Variants in CSNK1E observed in about 807,000 individuals in gnomAD.
The protein encoded by CSNK1E is casein kinase 1 epsilon.
In CSNK1E, 17 loss-of-function variants were observed where a neutral mutation model predicts 46.1. The observed-to-expected ratio is 0.37, with a 90% CI of 0.25 to 0.55. The LOEUF is 0.55. Among genes scored for constraint, CSNK1E ranks in the 20% least tolerant of loss-of-function variants. The probability of loss-of-function intolerance (pLI) is 0.82; values close to 1 mark genes in which losing one functional copy is unlikely to be tolerated. For synonymous variants in CSNK1E, 241 were observed against 242.6 expected (o/e 0.99, Z 0.06); for missense variants, 386 against 595.4 (o/e 0.65, Z 3.66).
chr22:38,303,377 G>T lies in CSNK1E; in HGVS notation c.77-129C>A. On this transcript the variant is annotated intron_variant, in intron 2 of 10. Transcript: ENST00000396832. The surrounding 1 kb of genome is among the most constrained non-coding windows in gnomAD (Gnocchi z 4.7). ...GGCCATCTGCCCTTGAGGAGCTCTTGGGGGAGGCTGGGAAGGGGGCAAAGG... is the reference window on the plus strand; with the variant it reads ...GGCCATCTGCCCTTGAGGAGCTCTTTGGGGAGGCTGGGAAGGGGGCAAAGG... The T allele has an allele frequency of 2.7e-6, 2 of 753,310 alleles. No homozygotes were observed. The highest frequency in any genetic ancestry group is 1.8e-5 in the South Asian group (1 of 54,130). The allele number at this position is 753,310 out of a possible 1,614,324, so 46.7% of individuals were successfully genotyped here. A position where few individuals can be genotyped will look rare whatever the true frequency, so the allele number is the denominator to read the frequency against.
In CSNK1E at chr22:38,291,316, T is replaced by C. The variant is rs1269101733; in HGVS notation, c.*655A>G. ...GGGCGGGCCGTGGCACCTGCTGTCT[T>C]GGGAAACACAGGTCAATACATCCAC... On this transcript the variant is annotated 3_prime_UTR_variant, in exon 11 of 11. Transcript: ENST00000396832. The C allele has an allele frequency of 6.7e-6, 1 of 149,586 alleles. No individual in the cohort carries two copies. The highest frequency in any genetic ancestry group is 2.5e-5 in the African/African-American group (1 of 40,160). The allele number at this position is 149,586 out of a possible 1,614,324, so 9.3% of individuals were successfully genotyped here.
At chr22:38,306,656 A>G (rs1482517107) in intron 2 of CSNK1E, among the ~76,000 whole-genome samples, 2 of 151,850 alleles carry the variant, frequency 1.3e-5, no homozygotes, top group African/African-American at 4.9e-5. Context: ...GCTTGAACCC[A>G]GGAGGCAGAG....
chr22:38,299,418 A>C (rs2092659040), intron 6 of CSNK1E, among the ~76,000 whole-genome samples: 1 of 152,258 alleles, frequency 6.6e-6, no homozygotes, highest in Admixed American at 6.5e-5. Context: ...CAACAGGTGT[A>C]ACAGCCAGGA....
chr22:38,314,699 G>A (rs931284254), intron 1 of CSNK1E, among the ~76,000 whole-genome samples: 1 of 152,238 alleles, frequency 6.6e-6, no homozygotes, highest in Non-Finnish European at 1.5e-5. Flanking sequence ...ATAGCCGCTT[G>A]GATAAACTGT....
In CSNK1E at chr22:38,298,822, G is replaced by A; in HGVS notation, c.849C>T (p.Ser283=). 6.2e-7 allele frequency: 1 copy of A among 1,614,218 alleles called. No homozygotes were observed. Among genetic ancestry groups the A allele is most frequent in the Non-Finnish European group, 8.5e-7 (1 of 1,180,032 alleles). The part of the protein sequence containing the change: ...FRNLFHRQGF[S]YDYVFDWNML... The stretch of plus-strand genomic sequence containing the variant: ...TGTTCCAGTCAAAGACGTAGTCATA[G>A]GAGAAGCCCTGCCGGTGGAAGAGGT... Residue 283 remains serine (S), a synonymous_variant, in exon 7 of 11, where the codon TCC becomes TCT. Coordinates refer to ENST00000396832, the MANE Select transcript of CSNK1E (RefSeq NM_152221.3). This position sits in a 1 kb window ranked among gnomAD's most constrained non-coding sequence, Gnocchi z 4.2.
rs959847168 is a variant in CSNK1E, at chr22:38,298,269, G to A, written c.885+517C>T. On this transcript the variant is annotated intron_variant, in intron 7 of 10. Transcript: ENST00000396832. The surrounding 1 kb of genome is among the most constrained non-coding windows in gnomAD (Gnocchi z 4.2). ...AGATTCCAGAGCTCTGGGTACGGCCGGCCAATGCTGCTCCCCACCCAACCC... is the reference window on the plus strand; with the variant it reads ...AGATTCCAGAGCTCTGGGTACGGCCAGCCAATGCTGCTCCCCACCCAACCC... 6 of 1,219,946 alleles carry A rather than the reference G, an allele frequency of 4.9e-6. No homozygotes were observed. The highest frequency in any genetic ancestry group is 1.6e-5 in the African/African-American group (1 of 64,322). The allele number at this position is 1,219,946 out of a possible 1,614,324, so 75.6% of individuals were successfully genotyped here. A position where few individuals can be genotyped will look rare whatever the true frequency, so the allele number is the denominator to read the frequency against.
At chr22:38,312,962 G>C (rs2092727556) in intron 2 of CSNK1E, among the ~76,000 whole-genome samples, 1 of 152,176 alleles carries the variant, frequency 6.6e-6, no homozygotes, top group Non-Finnish European at 1.5e-5. Flanking sequence ...AGGCCAACTT[G>C]ACCATCTGTG....
At position 38,294,374 on chromosome 22, in the gene CSNK1E, G is replaced by T. The variant is rs902426890; in HGVS notation, c.1046C>A (p.Ala349Asp). The change falls in exon 8 of 11, where the codon GCT becomes GAT. Residue 349 changes from alanine to aspartate, a missense_variant. Around this residue, in one of 2 missense-constraint regions of CSNK1E, gnomAD observed 174 missense variants for 185.2 expected, o/e 0.94. Transcript: ENST00000396832. The surrounding 1 kb of genome is among the most constrained non-coding windows in gnomAD (Gnocchi z 5.5). The part of the protein sequence containing the change: ...NRLRSAAEPV[A>D]STPASRIQPA... The stretch of plus-strand genomic sequence containing the variant: ...CTGGATGCGGGAGGCTGGCGTGGAA[G>T]CCACGGGCTCGGCGGCACTGCGGAG... The T allele has an allele frequency of 1.9e-6, 3 of 1,562,030 alleles. No individual in the cohort carries two copies. The highest frequency in any genetic ancestry group is 2.6e-6 in the Non-Finnish European group (3 of 1,156,888).
rs951080697 is a variant in CSNK1E at position 38,290,795 on chromosome 22, T to C, written c.*1176A>G. On this transcript the variant is annotated 3_prime_UTR_variant, in exon 11 of 11. Transcript: ENST00000396832. The stretch of plus-strand genomic sequence containing the variant: ...AAAAGTACAAAATTCCCCCCAAAGT[T>C]CTTCAGTTTTTTTTTTTTCAGTTTT... 3.3e-5 allele frequency: 5 copies of C among 150,074 alleles called. No individual in the cohort carries two copies. Among genetic ancestry groups the C allele is most frequent in the South Asian group, 2.1e-4 (1 of 4,772 alleles). 9.3% of individuals were successfully genotyped at this position (150,074 alleles called of 1,614,324 possible).
chr22:38,316,724 T>G (rs1305959167), intron 1 of CSNK1E: 1 of 152,004 alleles, frequency 6.6e-6, no homozygotes, highest in Non-Finnish European at 1.5e-5. Flanking sequence ...AACCCCCAGG[T>G]CCGGGCGCCG....
At chr22:38,301,823 T>C (rs2092674171) in intron 4 of CSNK1E, among the ~76,000 whole-genome samples, 1 of 152,074 alleles carries the variant, frequency 6.6e-6, no homozygotes, top group Admixed American at 6.6e-5. Context: ...CTCCTGCACC[T>C]TTCTTGAGTT....
At position 38,298,048 on chromosome 22, in the gene CSNK1E, G is replaced by C; in HGVS notation, c.885+738C>G. The C allele has an allele frequency of 1.7e-6, 2 of 1,173,992 alleles. No homozygotes were observed. Among genetic ancestry groups the C allele is most frequent in the Non-Finnish European group, 2.2e-6 (2 of 924,250 alleles). 72.7% of individuals were successfully genotyped at this position (1,173,992 alleles called of 1,614,324 possible). On this transcript the variant is annotated intron_variant, in intron 7 of 10. Transcript: ENST00000396832. This position sits in a 1 kb window ranked among gnomAD's most constrained non-coding sequence, Gnocchi z 4.2. ...GAGGCTCAGCCTCTTGCGCTCACTGGTCAAGTGGCAAATTTTGGAAAAGCC... is the reference window on the plus strand; with the variant it reads ...GAGGCTCAGCCTCTTGCGCTCACTGCTCAAGTGGCAAATTTTGGAAAAGCC...
chr22:38,314,680 C>T (rs547112104), intron 1 of CSNK1E, among the ~76,000 whole-genome samples: 6 of 152,368 alleles, frequency 3.9e-5, no homozygotes, highest in South Asian at 2.1e-4. Context: ...AGACCTCACA[C>T]GGAGGCCCAT....
In CSNK1E at chr22:38,300,046, G is replaced by C; in HGVS notation, c.585C>G (p.Asp195Glu). Residue 195 changes from aspartate (D) to glutamate (E), a missense_variant, in exon 6 of 11, where the codon GAC (aspartate) becomes GAG (glutamate). Asp to Glu is a conservative substitution (Grantham distance 45). This residue lies in a region of CSNK1E where 212 missense variants were observed against 410.2 expected (regional missense o/e 0.52). Coordinates refer to ENST00000396832, the MANE Select transcript of CSNK1E (RefSeq NM_152221.3). The surrounding 1 kb of genome is among the most constrained non-coding windows in gnomAD (Gnocchi z 4.4). Reference sequence around the variant, plus strand: ...TGAGCACGTAGCCCAGGCTCTCCAGGTCATCTCGACGGCTTTGCTCTGCAC... The same window carrying C: ...TGAGCACGTAGCCCAGGCTCTCCAGCTCATCTCGACGGCTTTGCTCTGCAC... ...HLGIEQSRRD[D>E]LESLGYVLMY... is the part of the protein sequence containing the mutation. 6.2e-7 allele frequency: 1 copy of C among 1,613,986 alleles called. No homozygotes were observed. The highest frequency in any genetic ancestry group is 8.5e-7 in the Non-Finnish European group (1 of 1,180,010).
chr22:38,296,422 C>T, intron 7 of CSNK1E: 1 of 1,439,824 alleles, frequency 6.9e-7, no homozygotes, highest in Non-Finnish European at 9.1e-7. Flanking sequence ...GCCAACAACA[C>T]AGGGTGTCCT....
intron 2 of CSNK1E, among the ~76,000 whole-genome samples, chr22:38,308,581 G>C (rs2092708382): frequency 6.6e-6 from 1 of 152,148 alleles, no homozygotes; most frequent in Non-Finnish European, 1.5e-5. Context: ...GGCTCATTGG[G>C]ATGTTCTGAC....
chr22:38,295,474 G>A, intron 7 of CSNK1E: 1 of 803,258 alleles, frequency 1.2e-6, no homozygotes, highest in Non-Finnish European at 1.5e-6. Context: ...TCTGGGCTGA[G>A]TTGGGGGCCT....
At chr22:38,312,625 G>C (rs866269705) in intron 2 of CSNK1E, among the ~76,000 whole-genome samples, 2 of 152,152 alleles carry the variant, frequency 1.3e-5, no homozygotes, top group Non-Finnish European at 2.9e-5. Flanking sequence ...GGTGTCCATA[G>C]GGGAGGCTCA....
intron 7 of CSNK1E, chr22:38,297,223 C>T (rs754814552): frequency 2.8e-5 from 21 of 747,354 alleles, no homozygotes; most frequent in South Asian, 1.1e-4. Flanking sequence ...ACGAACCAGA[C>T]GTGGGAGTGA....
Sources: gnomAD v4.1 joint callset for allele counts (sites outside exome capture counted in the v4.1 genomes callset) on GRCh38, gnomAD v4.1.1 for gene constraint, gnomAD v4.1.1 regional missense constraint, Gnocchi (gnomAD v3.1) non-coding constraint, MANE v1.5 for transcripts, NCBI Gene and HGNC (gene_info 2026-07-23, HGNC 2026-07-21) for gene names.